CNTN5: variants seen among roughly 807,000 people sequenced by gnomAD.
CNTN5 encodes contactin-5.
A neutral mutation model predicts 129.1 loss-of-function variants in CNTN5; 77 were observed. The observed-to-expected ratio is 0.60, with a 90% CI of 0.50 to 0.72. CNTN5 has a LOEUF of 0.72. Ranked by LOEUF, CNTN5 falls within the 30% of genes least tolerant of loss-of-function variation. The pLI is 0.00. For missense variants in CNTN5, 1,478 were observed against 1,328.8 expected, an observed-to-expected ratio of 1.11 and a Z score of -1.75; for synonymous variants, 509 against 465.6, an observed-to-expected ratio of 1.09 and a Z score of -1.20.
intron 6 of CNTN5, among the ~76,000 whole-genome samples, chr11:99,873,135 C>A (rs1948546175): frequency 6.6e-6 from 1 of 152,050 alleles, no homozygotes; most frequent in Non-Finnish European, 1.5e-5. Flanking sequence ...GTTTCAGTAG[C>A]TGTGCCACAT....
At chr11:100,286,259 T>A (rs1950787578) in intron 18 of CNTN5, among the ~76,000 whole-genome samples, 1 of 152,112 alleles carries the variant, frequency 6.6e-6, no homozygotes, top group Non-Finnish European at 1.5e-5. Context: ...CCACCACAGC[T>A]CAAGGAGGCC....
At chr11:99,554,670 A>T (rs1050034476) in intron 2 of CNTN5, among the ~76,000 whole-genome samples, 1 of 152,098 alleles carries the variant, frequency 6.6e-6, no homozygotes, top group Admixed American at 6.6e-5. Flanking sequence ...AGAATTCACA[A>T]TTTCAAAAAA....
At chr11:100,066,582 G>T (rs1466354299) in intron 10 of CNTN5, among the ~76,000 whole-genome samples, 1 of 152,042 alleles carries the variant, frequency 6.6e-6, no homozygotes, top group Non-Finnish European at 1.5e-5. Flanking sequence ...ATCTGGTGAG[G>T]CTTTAACAGC....
intron 1 of CNTN5, among the ~76,000 whole-genome samples, chr11:99,253,900 TATA>T (rs1180928183): frequency 1.9e-4 from 10 of 52,062 alleles, no homozygotes; most frequent in African/African-American, 8.7e-4. Context: ...TATACGTTTA[TATA>T]TATATATATA....
At chr11:99,620,760 G>GA (rs1310251453) in intron 3 of CNTN5, among the ~76,000 whole-genome samples, 7 of 151,128 alleles carry the variant, frequency 4.6e-5, no homozygotes, top group Admixed American at 6.6e-5. Flanking sequence ...TTTTCATTTT[G>GA]AAAAAAATAG....
chr11:99,533,080 A>C (rs550942380), intron 2 of CNTN5, among the ~76,000 whole-genome samples: 1 of 152,274 alleles, frequency 6.6e-6, no homozygotes, highest in Admixed American at 6.5e-5. Flanking sequence ...AAAATTAGCC[A>C]TGTATAGTGA....
chr11:99,037,471 T>A (rs1863793963), intron 1 of CNTN5, among the ~76,000 whole-genome samples: 1 of 152,064 alleles, frequency 6.6e-6, no homozygotes, highest in South Asian at 2.1e-4. Flanking sequence ...TGAGTCACAG[T>A]ACTACCAAAA....
intron 6 of CNTN5, among the ~76,000 whole-genome samples, chr11:99,882,035 C>T (rs773681465): frequency 4.6e-5 from 7 of 152,112 alleles, no homozygotes; most frequent in Non-Finnish European, 1.0e-4. Flanking sequence ...TAGTTTAGCA[C>T]TGAAATTGTG....
intron 4 of CNTN5, among the ~76,000 whole-genome samples, chr11:99,840,206 T>C (rs1371624446): frequency 6.6e-6 from 1 of 152,092 alleles, no homozygotes; most frequent in Admixed American, 6.6e-5. Flanking sequence ...GTTAAATTAG[T>C]AGTGAACGTG....
In CNTN5 at chr11:99,100,085, A is replaced by C. The variant is rs558231582; in HGVS notation, c.-210+78815A>C. Among the ~76,000 whole-genome samples the C allele has an allele frequency of 2.0e-5, 3 of 152,304 alleles. No homozygotes were observed. The South Asian group carries it at 6.2e-4, about 32-fold the overall frequency. On this transcript the variant is annotated intron_variant, in intron 1 of 24. Transcript: ENST00000524871. ...TTAAAATCATTAAACATTTGGGAAA[A>C]AAATTTTATAAAGTAATGACCCAAA...
chr11:99,576,612 C>T (rs1949358915), intron 3 of CNTN5, among the ~76,000 whole-genome samples: 1 of 152,148 alleles, frequency 6.6e-6, no homozygotes, highest in African/African-American at 2.4e-5. Flanking sequence ...TCCATTTGGG[C>T]TGCTATAACA....
chr11:99,960,433 C>G (rs576632575), intron 8 of CNTN5, among the ~76,000 whole-genome samples: 11 of 152,006 alleles, frequency 7.2e-5, no homozygotes, highest in Non-Finnish European at 7.4e-5. Context: ...TCTTCTTAGA[C>G]TAACTCTATA....
At chr11:99,366,751 G>C (rs1441482709) in intron 2 of CNTN5, among the ~76,000 whole-genome samples, 1 of 152,110 alleles carries the variant, frequency 6.6e-6, no homozygotes, top group African/African-American at 2.4e-5. Flanking sequence ...GTGACAAGGT[G>C]CTTTTCATCT....
Position 100,281,664 on chromosome 11 carries a change from T to C in CNTN5, c.2314+10423T>C, listed in dbSNP as rs927758234. On this transcript the variant is annotated intron_variant, in intron 18 of 24. Coordinates refer to ENST00000524871, the MANE Select transcript of CNTN5 (RefSeq NM_014361.4). ...TGGGAAGTTCTCTGATATTATCCAT[T>C]TGAATAAACTTCATACCCCTATCTC... Among the ~76,000 whole-genome samples, 3 of 152,152 alleles carry C rather than the reference T, an allele frequency of 2.0e-5. No homozygotes were observed. The South Asian group carries it at 6.2e-4, about 31-fold the overall frequency.
intron 6 of CNTN5, among the ~76,000 whole-genome samples, chr11:99,874,416 G>T (rs1398318953): frequency 6.6e-6 from 1 of 152,088 alleles, no homozygotes; most frequent in African/African-American, 2.4e-5. Flanking sequence ...ATTGGCAGCT[G>T]GATCCAGAGG....
At chr11:99,337,228 C>T (rs536614857) in intron 2 of CNTN5, among the ~76,000 whole-genome samples, 1 of 152,132 alleles carries the variant, frequency 6.6e-6, no homozygotes, top group South Asian at 2.1e-4. Flanking sequence ...ATAAATATTA[C>T]AGTTAAATAG....
chr11:99,312,838 C>A (rs1258031749), intron 1 of CNTN5, among the ~76,000 whole-genome samples: 1 of 150,596 alleles, frequency 6.6e-6, no homozygotes, highest in African/African-American at 2.4e-5. Flanking sequence ...CCAGGAGCCT[C>A]AGCAAATAAA....
At chr11:99,740,791 A>G (rs574430494) in intron 3 of CNTN5, among the ~76,000 whole-genome samples, 1 of 152,326 alleles carries the variant, frequency 6.6e-6, no homozygotes, top group Non-Finnish European at 1.5e-5. Flanking sequence ...AAATATGGAT[A>G]TCTAGCATTC....
chr11:100,296,554 T>A (rs1197552550), intron 18 of CNTN5, among the ~76,000 whole-genome samples: 1 of 151,498 alleles, frequency 6.6e-6, no homozygotes. Flanking sequence ...GAGAATTGTG[T>A]TCATGGAGAA....
Sources: gnomAD v4.1 joint callset for allele counts (sites outside exome capture counted in the v4.1 genomes callset) on GRCh38, gnomAD v4.1.1 for gene constraint, MANE v1.5 for transcripts, NCBI Gene and HGNC (gene_info 2026-07-23, HGNC 2026-07-21) for gene names.